KCNIP1: variants seen among roughly 807,000 people sequenced by gnomAD.
KCNIP1 encodes potassium voltage-gated channel interacting protein 1, also known as A-type potassium channel modulatory protein KCNIP1.
Under a neutral mutation model 33.0 loss-of-function variants are expected in KCNIP1, and 18 were observed. The observed-to-expected ratio is 0.55, with a 90% confidence interval of 0.38 to 0.81. The LOEUF (loss-of-function observed/expected upper bound fraction) is 0.81, where lower values mean the gene tolerates loss of function less well. Among genes scored for constraint, KCNIP1 ranks in the 30% least tolerant of loss-of-function variants. The pLI, the probability that KCNIP1 is intolerant of heterozygous loss-of-function variation, is 0.00. For synonymous variants in KCNIP1, 93 were observed against 98.3 expected, an observed-to-expected ratio of 0.95 and a Z score of 0.32; for missense variants, 238 against 271.6, an observed-to-expected ratio of 0.88 and a Z score of 0.87.
In KCNIP1 at chr5:170,579,828, C is replaced by T. The variant is rs116724816; in HGVS notation, c.61+75195C>T. ...ACAAGAAATCAAAGCAAGCATTCTCCGCCTCTCTCCTACAGCCCTGCATGC... is the reference window on the plus strand; with the variant it reads ...ACAAGAAATCAAAGCAAGCATTCTCTGCCTCTCTCCTACAGCCCTGCATGC... On this transcript the variant is annotated intron_variant, in intron 1 of 7. Transcript: ENST00000328939. 2.0e-3 allele frequency among the ~76,000 whole-genome samples: 311 copies of T among 152,242 alleles called. 1 individual carries two copies. Among genetic ancestry groups the T allele is most frequent in the African/African-American group, 6.2e-3 (259 of 41,552 alleles).
intron 1 of KCNIP1, among the ~76,000 whole-genome samples, chr5:170,562,248 A>G (rs1757057232): frequency 6.6e-6 from 1 of 152,190 alleles, no homozygotes; most frequent in South Asian, 2.1e-4. Flanking sequence ...AGGCAGAGGG[A>G]ATACTGGACA....
At chr5:170,386,287 G>A (rs1764469905) in intron 1 of KCNIP1, among the ~76,000 whole-genome samples, 1 of 152,196 alleles carries the variant, frequency 6.6e-6, no homozygotes, top group Admixed American at 6.5e-5. Flanking sequence ...CAGGGAGACA[G>A]CAATTAGAGT....
At chr5:170,424,838 C>CT (rs2113435875) in intron 1 of KCNIP1, among the ~76,000 whole-genome samples, 1 of 152,370 alleles carries the variant, frequency 6.6e-6, no homozygotes, top group Non-Finnish European at 1.5e-5. Context: ...CCCTCAAGGC[C>CT]TTTTATGATA....
intron 1 of KCNIP1, among the ~76,000 whole-genome samples, chr5:170,448,772 T>C (rs907032510): frequency 2.0e-5 from 3 of 152,298 alleles, no homozygotes; most frequent in African/African-American, 7.2e-5. Context: ...GATTTATAAC[T>C]GTTCAAAAAT....
intron 1 of KCNIP1, among the ~76,000 whole-genome samples, chr5:170,411,234 G>T (rs1254389413): frequency 1.3e-5 from 2 of 152,146 alleles, no homozygotes; most frequent in Non-Finnish European, 2.9e-5. Flanking sequence ...TTTATTTCAT[G>T]GTACCTCCTC....
intron 1 of KCNIP1, among the ~76,000 whole-genome samples, chr5:170,586,412 A>G (rs1490353519): frequency 1.3e-5 from 2 of 152,198 alleles, no homozygotes; most frequent in Non-Finnish European, 2.9e-5. Context: ...AGATTAGGCA[A>G]GAATGTAAAA....
Position 170,409,167 on chromosome 5 carries a change from G to C in KCNIP1, c.88+55203G>C, listed in dbSNP as rs912097911. On this transcript the variant is annotated intron_variant, in intron 1 of 7. Transcript: ENST00000377360. ...AGGCAGATCCAGGATGTGAACACTG[G>C]TCTGGCTGATGCTCAAGACTGTGCC... 6.6e-5 allele frequency among the ~76,000 whole-genome samples: 10 copies of C among 152,202 alleles called. 1 individual carries two copies. The highest frequency in any genetic ancestry group is 6.5e-4 in the Admixed American group (10 of 15,288).
chr5:170,463,614 C>T (rs772957626), intron 1 of KCNIP1, among the ~76,000 whole-genome samples: 1 of 151,982 alleles, frequency 6.6e-6, no homozygotes, highest in African/African-American at 2.4e-5. Context: ...TAACAAAATC[C>T]AAACTGACGT....
At chr5:170,415,274 T>G (rs1038972771) in intron 1 of KCNIP1, among the ~76,000 whole-genome samples, 1 of 152,164 alleles carries the variant, frequency 6.6e-6, no homozygotes, top group African/African-American at 2.4e-5. Context: ...TGCCTGTCCC[T>G]CACATTTCCC....
chr5:170,677,653 C>G (rs1180141271), intron 1 of KCNIP1, among the ~76,000 whole-genome samples: 1 of 152,172 alleles, frequency 6.6e-6, no homozygotes, highest in Non-Finnish European at 1.5e-5. Context: ...AGGACCTAAA[C>G]TGGAATCCAG....
rs749511518 is a variant in KCNIP1, at chr5:170,504,590, C to T, written c.18C>T (p.Gly6=). The T allele has an allele frequency of 6.2e-7, 1 of 1,613,740 alleles. No homozygotes were observed. The highest frequency in any genetic ancestry group is 8.5e-7 in the Non-Finnish European group (1 of 1,179,966). Residue 6 remains glycine, a synonymous_variant, in exon 1 of 8, where the codon GGC becomes GGT. Transcript: ENST00000328939. This position sits in a 1 kb window ranked among gnomAD's most constrained non-coding sequence, Gnocchi z 6.0. MGAVM[G]TFSSLQTKQR... ...TCGCTGCCATGGGGGCCGTCATGGG[C>T]ACCTTCTCATCTCTGCAAACCAAAC...
At chr5:170,693,415 A>G (rs1762790231) in intron 1 of KCNIP1, among the ~76,000 whole-genome samples, 1 of 152,230 alleles carries the variant, frequency 6.6e-6, no homozygotes, top group African/African-American at 2.4e-5. Flanking sequence ...TCTGTGTGCC[A>G]TGCTCTGGGT....
At chr5:170,631,220 A>G (rs1010011894) in intron 1 of KCNIP1, among the ~76,000 whole-genome samples, 2 of 152,094 alleles carry the variant, frequency 1.3e-5, no homozygotes, top group African/African-American at 4.8e-5. Context: ...AGCCCCCTAG[A>G]TAGGTAGTTA....
chr5:170,735,875 C>T lies in KCNIP1; in HGVS notation c.*69C>T. The T allele has an allele frequency of 7.4e-7, 1 of 1,354,620 alleles. No individual in the cohort carries two copies. Among genetic ancestry groups the T allele is most frequent in the Non-Finnish European group, 1.1e-6 (1 of 947,700 alleles). The allele number at this position is 1,354,620 out of a possible 1,614,324, so 83.9% of individuals were successfully genotyped here. A position where few individuals can be genotyped will look rare whatever the true frequency, so the allele number is the denominator to read the frequency against. On this transcript the variant is annotated 3_prime_UTR_variant, in exon 8 of 8. Transcript: ENST00000328939. ...ACAACCACCTTAACACCCTGATCTG[C>T]CCTTGTTCTGATTTTACACACCAAC...
chr5:170,641,920 A>T (rs192028269), intron 1 of KCNIP1: 1 of 152,244 alleles, frequency 6.6e-6, no homozygotes, highest in East Asian at 1.9e-4. Flanking sequence ...AGCCTCGGCC[A>T]TTTCCAAACT....
At chr5:170,493,202 C>T (rs144807165) in intron 1 of KCNIP1, among the ~76,000 whole-genome samples, 2 of 152,128 alleles carry the variant, frequency 1.3e-5, no homozygotes, top group Non-Finnish European at 2.9e-5. Flanking sequence ...TGCGAGCTCC[C>T]CCATCCCACC....
At chr5:170,573,535 A>G (rs551202182) in intron 1 of KCNIP1, among the ~76,000 whole-genome samples, 61 of 152,334 alleles carry the variant, frequency 4.0e-4, no homozygotes, top group Non-Finnish European at 6.8e-4. Flanking sequence ...CCTTATAACC[A>G]TCTATGTTGG....
rs539985972 is a variant in KCNIP1, at chr5:170,482,517, G to A, written c.88+128553G>A. Among the ~76,000 whole-genome samples, 14 of 152,206 alleles carry A rather than the reference G, an allele frequency of 9.2e-5. No homozygotes were observed. The East Asian group carries it at 1.5e-3, about 17-fold the overall frequency. ...TTCATTTTACTTTTGGGGAAACCACGGATCAAGTAACTGAAGTGATTTCTC... is the reference window on the plus strand; with the variant it reads ...TTCATTTTACTTTTGGGGAAACCACAGATCAAGTAACTGAAGTGATTTCTC... On this transcript the variant is annotated intron_variant, in intron 1 of 7. Transcript: ENST00000377360.
chr5:170,690,360 A>C (rs1762680937), intron 1 of KCNIP1, among the ~76,000 whole-genome samples: 1 of 152,154 alleles, frequency 6.6e-6, no homozygotes, highest in Non-Finnish European at 1.5e-5. Flanking sequence ...TCCCTTCCAA[A>C]TATACATTCT....
Sources: gnomAD v4.1 joint callset for allele counts (sites outside exome capture counted in the v4.1 genomes callset) on GRCh38, gnomAD v4.1.1 for gene constraint, Gnocchi (gnomAD v3.1) non-coding constraint, MANE v1.5 for transcripts, NCBI Gene and HGNC (gene_info 2026-07-23, HGNC 2026-07-21) for gene names.